Variants in OPLAH observed in about 807,000 individuals in gnomAD.
OPLAH encodes 5-oxoprolinase, ATP-hydrolysing.
In OPLAH, 103 loss-of-function variants were observed where a neutral mutation model predicts 122.8. The observed-to-expected ratio is 0.84, with a 90% CI of 0.71 to 0.99. The LOEUF is 0.99. Ranked by LOEUF, OPLAH falls within the 50% of genes least tolerant of loss-of-function variation. The pLI, the probability that OPLAH is intolerant of heterozygous loss-of-function variation, is 0.00. For synonymous variants in OPLAH, 875 were observed against 796.0 expected (o/e 1.10, Z -1.67); for missense variants, 1,902 against 1,836.5 (o/e 1.04, Z -0.65).
At chr8:144,051,635 G>A (rs1359767567) in intron 26 of OPLAH, 94 bp downstream of exon 26, 3 of 1,229,488 alleles carry the variant, frequency 2.4e-6, no homozygotes, top group East Asian at 2.6e-5. Flanking sequence ...AATTAAACTC[G>A]GCCTCTGGTC....
intron 12 of OPLAH, 47 bp from the exon 13 acceptor site, chr8:144,056,802 C>A (rs1375629988): frequency 1.6e-5 from 25 of 1,557,228 alleles, no homozygotes; most frequent in Non-Finnish European, 2.0e-5. Flanking sequence ...CCTGCCCTGA[C>A]CCCACCCCAC....
At position 144,057,319 on chromosome 8, in the gene OPLAH, G is replaced by A. The variant is rs374935079; in HGVS notation, c.1424C>T (p.Ala475Val). The change falls in exon 11 of 27, where the codon GCA (alanine) becomes GTA (valine). Residue 475 changes from alanine (A) to valine (V), a missense_variant and splice_region_variant. Physicochemically the swap from Ala to Val is moderately conservative, Grantham distance 64. This residue lies in a region of OPLAH where 1,726 missense variants were observed against 1,642.1 expected (regional missense o/e 1.05). Transcript: ENST00000618853. ...ATGGGCTGAGGGGTCATGGCCTCTT[G>A]CCTAGGGAGACAGAAGGGGTCAGTG... The part of the protein sequence containing the change: ...MCRPIRALTQ[A>V]RGHDPSAHVL... The A allele has an allele frequency of 1.5e-4, 248 of 1,610,798 alleles. No individual in the cohort carries two copies. Among genetic ancestry groups the A allele is most frequent in the Middle Eastern group, 6.6e-4 (4 of 6,076 alleles).
chr8:144,056,287 C>A, intron 14 of OPLAH, 28 bp from the exon 15 acceptor site: 1 of 1,601,912 alleles, frequency 6.2e-7, no homozygotes, highest in Middle Eastern at 1.7e-4. Context: ...GAGTACAGCG[C>A]CCGGGCCCAG....
downstream of OPLAH, chr8:144,051,259 C>T: frequency 6.3e-7 from 1 of 1,596,516 alleles, no homozygotes; most frequent in African/African-American, 1.4e-5. Context: ...CGACTCGGAG[C>T]ACGAACTAGG....
In OPLAH at chr8:144,055,933, G is replaced by C. The variant is rs1310413113; in HGVS notation, c.2103C>G (p.Ile701Met). 6.3e-7 allele frequency: 1 copy of C among 1,583,402 alleles called. No homozygotes were observed. The highest frequency in any genetic ancestry group is 8.6e-7 in the Non-Finnish European group (1 of 1,164,604). The change falls in exon 16 of 27, where the codon ATC (isoleucine) becomes ATG (methionine). Residue 701 changes from isoleucine (I) to methionine (M), a missense_variant. By Grantham distance (10) the Ile-to-Met change is conservative. Coordinates refer to ENST00000618853, the MANE Select transcript of OPLAH (RefSeq NM_017570.5). The surrounding 1 kb of genome is among the most constrained non-coding windows in gnomAD (Gnocchi z 6.5). ...CTGCCTGGCAACCTGGCTCCACCAGGATGGTGCTGGGGAGCAGAGGGCACA... is the reference window on the plus strand; with the variant it reads ...CTGCCTGGCAACCTGGCTCCACCAGCATGGTGCTGGGGAGCAGAGGGCACA... ...PCLIIDSNST[I>M]LVEPGCQAEV...
In OPLAH at chr8:144,055,331, A is replaced by G; in HGVS notation, c.2249-142T>C. The G allele has an allele frequency of 1.2e-6, 1 of 855,664 alleles. No homozygotes were observed. The highest frequency in any genetic ancestry group is 1.7e-6 in the Non-Finnish European group (1 of 601,918). The allele number at this position is 855,664 out of a possible 1,614,324, so 53.0% of individuals were successfully genotyped here. On this transcript the variant is annotated intron_variant, in intron 16 of 26. Coordinates refer to ENST00000618853, the MANE Select transcript of OPLAH (RefSeq NM_017570.5). This position sits in a 1 kb window ranked among gnomAD's most constrained non-coding sequence, Gnocchi z 6.5. ...CTTTTTCCTGGGGAAGACCAAGTTGACGGTGTGCCCACTTGGCCACGTCTT... is the reference window on the plus strand; with the variant it reads ...CTTTTTCCTGGGGAAGACCAAGTTGGCGGTGTGCCCACTTGGCCACGTCTT...
In OPLAH at chr8:144,059,942, G is replaced by A. The variant is rs782257834; in HGVS notation, c.91C>T (p.Arg31Trp). 8 of 1,612,662 alleles carry A rather than the reference G, an allele frequency of 5.0e-6. No homozygotes were observed. Among genetic ancestry groups the A allele is most frequent in the Non-Finnish European group, 4.2e-6 (5 of 1,179,852 alleles). Reference sequence around the variant, plus strand: ...TCCTCTGAGAGCAGTTTTAAGACCCGCACGTGCCCCCCTGGGCACTGGGCA... The same window carrying A: ...TCCTCTGAGAGCAGTTTTAAGACCCACACGTGCCCCCCTGGGCACTGGGCA... ...VFAQCPGGHVRVLKLLSEDPA... is the reference protein window; with the variant it reads ...VFAQCPGGHVWVLKLLSEDPA... Residue 31 changes from arginine (R) to tryptophan (W), a missense_variant, in exon 2 of 27, where the codon CGG becomes TGG. Transcript: ENST00000618853.
In OPLAH at chr8:144,056,178, G is replaced by A; in HGVS notation, c.2065C>T (p.His689Tyr). 1 of 1,611,092 alleles carries A rather than the reference G, an allele frequency of 6.2e-7. No homozygotes were observed. Among genetic ancestry groups the A allele is most frequent in the Non-Finnish European group, 8.5e-7 (1 of 1,178,550 alleles). Residue 689 changes from histidine (H) to tyrosine (Y), a missense_variant, in exon 15 of 27, where the codon CAT becomes TAT. By Grantham distance (83) the His-to-Tyr change is moderately conservative. Transcript: ENST00000618853. ...CTGTCGATGATGAGGCAGGGCCCAT[G>A]GAGCTTGTGCCCATAGCCCAGCTCT... ...LAELGYGHKLHGPCLIIDSNS... is the reference protein window; with the variant it reads ...LAELGYGHKLYGPCLIIDSNS...
rs782128539 is a variant in OPLAH at position 144,056,168 on chromosome 8, C to A, written c.2075G>T (p.Cys692Phe). 6.2e-7 allele frequency: 1 copy of A among 1,609,158 alleles called. No individual in the cohort carries two copies. Among genetic ancestry groups the A allele is most frequent in the Non-Finnish European group, 8.5e-7 (1 of 1,177,000 alleles). Residue 692 changes from cysteine (C) to phenylalanine (F), a missense_variant, in exon 15 of 27, where the codon TGC becomes TTC. Around this residue, in one of 3 missense-constraint regions of OPLAH, gnomAD observed 1,726 missense variants for 1,642.1 expected, o/e 1.05. Transcript: ENST00000618853. ...LGYGHKLHGP[C>F]LIIDSNSTIL... ...CCACCTGTTACTGTCGATGATGAGG[C>A]AGGGCCCATGGAGCTTGTGCCCATA...
intron 7 of OPLAH, 21 bp from the exon 8 acceptor site, chr8:144,058,169 G>A (rs1554759874): frequency 1.2e-6 from 2 of 1,611,582 alleles, no homozygotes; most frequent in Admixed American, 1.7e-5. Flanking sequence ...TGGGGTGCTG[G>A]TGGGTCACTT....
In OPLAH at chr8:144,051,757, C is replaced by T; in HGVS notation, c.3692G>A (p.Gly1231Asp). 3.1e-6 allele frequency: 5 copies of T among 1,606,790 alleles called. No homozygotes were observed. The highest frequency in any genetic ancestry group is 4.2e-6 in the Non-Finnish European group (5 of 1,178,276). ...RKNGRTVNLG[G>D]KTSVTVYPGD... ...GGGGTACACGGTCACCGACGTCTTG[C>T]CGCCCAGATTCACCGTCCGGCCGTT... Residue 1231 changes from glycine (G) to aspartate (D), a missense_variant, in exon 26 of 27, where the codon GGC becomes GAC. Gly to Asp is a moderately conservative substitution (Grantham distance 94, BLOSUM62 -1). Transcript: ENST00000618853.
downstream of OPLAH, chr8:144,050,521 G>A (rs924015802): frequency 3.6e-5 from 35 of 985,190 alleles, no homozygotes; most frequent in Non-Finnish European, 4.1e-5. Flanking sequence ...CCCACCGCGC[G>A]CCCGCCTCTC....
Position 144,056,520 on chromosome 8 carries a change from G to A in OPLAH, c.1848C>T (p.Tyr616=), listed in dbSNP as rs959740727. 1 of 1,611,982 alleles carries A rather than the reference G, an allele frequency of 6.2e-7. No homozygotes were observed. ...GDFGAAFVER[Y]MREFGFVIPE... Reference sequence around the variant, plus strand: ...GTATGACAAAGCCAAACTCCCTCATGTACCTGCACTCCCCGCGGGGACCCA... The same window carrying A: ...GTATGACAAAGCCAAACTCCCTCATATACCTGCACTCCCCGCGGGGACCCA... Residue 616 remains tyrosine, a synonymous_variant, in exon 14 of 27, where the codon TAC becomes TAT. Transcript: ENST00000618853.
chr8:144,051,590 A>T, intron 26 of OPLAH, 118 bp from the exon 27 acceptor site: 1 of 1,159,346 alleles, frequency 8.6e-7, no homozygotes, highest in Non-Finnish European at 1.2e-6. Context: ...TGGACCACGG[A>T]GGCCCGGTAC....
rs1835469353 is a variant in OPLAH at position 144,054,828 on chromosome 8, A to C, written c.2495T>G (p.Leu832Arg). 1.2e-6 allele frequency: 2 copies of C among 1,612,180 alleles called. No homozygotes were observed. Among genetic ancestry groups the C allele is most frequent in the Admixed American group, 3.3e-5 (2 of 59,988 alleles). ...PSAGGSHLPD[L>R]TVITPVFWPG... Reference sequence around the variant, plus strand: ...ACCCCTCACCGGTGTGATAACAGTCAGGTCTGGCAGGTGGCTGCCCCCGGC... The same window carrying C: ...ACCCCTCACCGGTGTGATAACAGTCCGGTCTGGCAGGTGGCTGCCCCCGGC... Residue 832 changes from leucine (L) to arginine (R), a missense_variant, in exon 18 of 27, where the codon CTG becomes CGG. Physicochemically the swap from Leu to Arg is moderately radical, Grantham distance 102 (BLOSUM62 -2). This residue lies in a region of OPLAH where 1,726 missense variants were observed against 1,642.1 expected (regional missense o/e 1.05). Coordinates refer to ENST00000618853, the MANE Select transcript of OPLAH (RefSeq NM_017570.5).
At chr8:144,059,826 G>A (rs781828928) in intron 2 of OPLAH, 36 bp from the exon 3 acceptor site, 41 of 1,610,910 alleles carry the variant, frequency 2.5e-5, no homozygotes, top group South Asian at 1.4e-4. Flanking sequence ...GCTTCTGGCC[G>A]TGGGGTCCCT....
chr8:144,058,485 C>T lies in OPLAH; in HGVS notation c.783+11G>A, dbSNP rs1554760020. On this transcript the variant is annotated intron_variant, in intron 6 of 26. Coordinates refer to ENST00000618853, the MANE Select transcript of OPLAH (RefSeq NM_017570.5). ...CCAGGAGTGGGCAGTGGGGGTGCCTCACAGCCTCACCTTGAGTTGGCCCTG... is the reference window on the plus strand; with the variant it reads ...CCAGGAGTGGGCAGTGGGGGTGCCTTACAGCCTCACCTTGAGTTGGCCCTG... 1.3e-6 allele frequency: 2 copies of T among 1,576,408 alleles called. No individual in the cohort carries two copies. Among genetic ancestry groups the T allele is most frequent in the South Asian group, 1.1e-5 (1 of 88,238 alleles).
intron 19 of OPLAH, among the ~76,000 whole-genome samples, chr8:144,054,163 A>G (rs1835453457): frequency 6.6e-6 from 1 of 151,382 alleles, no homozygotes; most frequent in Non-Finnish European, 1.5e-5. Flanking sequence ...CCACCCAGTG[A>G]CTCAGACCTA....
rs1554758083 is a variant in OPLAH at position 144,052,975 on chromosome 8, C to A, written c.3018+8G>T. 1 of 1,592,826 alleles carries A rather than the reference C, an allele frequency of 6.3e-7. No homozygotes were observed. Among genetic ancestry groups the A allele is most frequent in the Non-Finnish European group, 8.5e-7 (1 of 1,169,892 alleles). On this transcript the variant is annotated splice_region_variant and intron_variant, in intron 21 of 26. Coordinates refer to ENST00000618853, the MANE Select transcript of OPLAH (RefSeq NM_017570.5). ...CTGCCGCCTAGAGGCACTCTCCCCACGGCCCACCTGACTCAGGCTGATCTG... is the reference window on the plus strand; with the variant it reads ...CTGCCGCCTAGAGGCACTCTCCCCAAGGCCCACCTGACTCAGGCTGATCTG...
Sources: allele counts gnomAD v4.1 joint callset (sites outside exome capture counted in the v4.1 genomes callset), GRCh38; gene constraint gnomAD v4.1.1; regional missense constraint gnomAD v4.1.1; non-coding constraint Gnocchi (gnomAD v3.1); transcripts MANE v1.5; gene names NCBI Gene and HGNC (gene_info 2026-07-23, HGNC 2026-07-21).